Variants in BRD4 observed in about 807,000 individuals in gnomAD.
The protein encoded by BRD4 is bromodomain containing 4.
A neutral mutation model predicts 142.1 loss-of-function variants in BRD4; 16 were observed. The observed-to-expected ratio is 0.11, with a 90% CI of 0.08 to 0.17. BRD4 has a LOEUF of 0.17. Ranked by LOEUF, BRD4 falls within the 10% of genes least tolerant of loss-of-function variation. BRD4 has a pLI of 1.00. For synonymous variants in BRD4, 833 were observed against 707.5 expected, an observed-to-expected ratio of 1.18 and a Z score of -2.82; for missense variants, 1,424 against 1,810.9, an observed-to-expected ratio of 0.79 and a Z score of 3.88.
At position 15,237,630 on chromosome 19, in the gene BRD4, A is replaced by AT; in HGVS notation, c.*746_*747insA. The AT allele has an allele frequency of 4.4e-6, 1 of 228,932 alleles. No individual in the cohort carries two copies. The highest frequency in any genetic ancestry group is 8.7e-6 in the Non-Finnish European group (1 of 115,520). The allele number at this position is 228,932 out of a possible 1,614,324, so 14.2% of individuals were successfully genotyped here. On this transcript the variant is annotated 3_prime_UTR_variant, in exon 20 of 20. Coordinates refer to ENST00000679869, the MANE Select transcript of BRD4 (RefSeq NM_001379291.1). ...AACAAAAAATATATATAGAAAAAAAAGAAAAAAAAAAACGAAACAGAAACA... is the reference window on the plus strand; with the variant it reads ...AACAAAAAATATATATAGAAAAAAAATGAAAAAAAAAAACGAAACAGAAACA...
intron 11 of BRD4, chr19:15,248,103 G>T (rs2047307580): frequency 9.1e-6 from 2 of 219,002 alleles, no homozygotes; most frequent in Non-Finnish European, 1.8e-5. Context: ...GAGAAAAAAT[G>T]AAAAGCCCCT....
rs867317090 is a variant in BRD4, at chr19:15,243,110, G to A, written c.2959C>T (p.Gln987Ter). 1 of 1,477,364 alleles carries A rather than the reference G, an allele frequency of 6.8e-7. No homozygotes were observed. Among genetic ancestry groups the A allele is most frequent in the Non-Finnish European group, 9.0e-7 (1 of 1,114,952 alleles). 91.5% of individuals were successfully genotyped at this position (1,477,364 alleles called of 1,614,324 possible). The change falls in exon 14 of 20, where the codon CAG (glutamine) becomes TAG (stop). Residue 987 changes from glutamine to a stop codon, truncating the protein, a stop_gained. Transcript: ENST00000679869. LOFTEE classifies it high-confidence loss of function. ...PPPPQPQPPP[Q>*]QQHQPPPRPV... ...CGTGGAGGGGGCTGATGCTGCTGCTGGGGTGGAGGCTGGGGCTGGGGTGGT... is the reference window on the plus strand; with the variant it reads ...CGTGGAGGGGGCTGATGCTGCTGCTAGGGTGGAGGCTGGGGCTGGGGTGGT...
chr19:15,256,929 C>T lies in BRD4; in HGVS notation c.1551+35G>A, dbSNP rs199537509. The T allele has an allele frequency of 2.3e-4, 348 of 1,524,440 alleles. 1 individual carries two copies. Among genetic ancestry groups the T allele is most frequent in the Admixed American group, 4.7e-4 (23 of 49,176 alleles). 94.4% of individuals were successfully genotyped at this position (1,524,440 alleles called of 1,614,324 possible). On this transcript the variant is annotated intron_variant, in intron 8 of 19. Coordinates refer to ENST00000679869, the MANE Select transcript of BRD4 (RefSeq NM_001379291.1). ...GGGAGGCCACCCTGGTCCACGGACT[C>T]TGGGGATTAAGAATGGAGCCACCAA...
intron 4 of BRD4, 41 bp downstream of exon 4, chr19:15,267,375 T>C (rs2145609150): frequency 6.2e-7 from 1 of 1,606,752 alleles, no homozygotes; most frequent in Non-Finnish European, 8.5e-7. Flanking sequence ...GGGACAAAGG[T>C]CGGGGAGAAA....
At chr19:15,281,710 A>G (rs2047705748) in intron 1 of BRD4, among the ~76,000 whole-genome samples, 1 of 152,212 alleles carries the variant, frequency 6.6e-6, no homozygotes, top group African/African-American at 2.4e-5. Flanking sequence ...AAACTTTGAC[A>G]TGGACAAGAT....
At position 15,264,569 on chromosome 19, in the gene BRD4, C is replaced by T. The variant is rs760577369; in HGVS notation, c.1047G>A (p.Lys349=). 1.9e-6 allele frequency: 3 copies of T among 1,614,208 alleles called. No individual in the cohort carries two copies. In the East Asian group the frequency reaches 6.7e-5, roughly 36 times the overall value. Residue 349 remains lysine (K), a synonymous_variant, in exon 6 of 20, where the codon AAG becomes AAA. Coordinates refer to ENST00000679869, the MANE Select transcript of BRD4 (RefSeq NM_001379291.1). ...TGCAGCACTTGAGCTGCTCCGAGAC[C>T]TTGCTGCTCTTCTCTGGTGCTGGGT... The part of the protein sequence containing the change: ...QQHPAPEKSS[K]VSEQLKCCSG...
chr19:15,245,348 A>G (rs1001660849), intron 11 of BRD4, among the ~76,000 whole-genome samples: 3 of 152,080 alleles, frequency 2.0e-5, no homozygotes, highest in African/African-American at 4.8e-5. Flanking sequence ...GGTGAGGAAC[A>G]TATCGGCAAG....
intron 11 of BRD4, among the ~76,000 whole-genome samples, chr19:15,246,125 G>C (rs956352537): frequency 2.6e-5 from 4 of 152,170 alleles, no homozygotes; most frequent in African/African-American, 9.7e-5. Context: ...GGGAACCTGG[G>C]GCCCCGCCTA....
In BRD4 at chr19:15,300,642, C is replaced by CAA. The variant is rs34013844; in HGVS notation, c.-34-27511_-34-27510dup. Among the ~76,000 whole-genome samples, 126 of 144,452 alleles carry CAA rather than the reference C, an allele frequency of 8.7e-4. 1 individual carries two copies. Among genetic ancestry groups the CAA allele is most frequent in the South Asian group, 1.5e-3 (7 of 4,562 alleles). The allele number at this position is 144,452 out of a possible 152,430, so 94.8% of individuals were successfully genotyped here. On this transcript the variant is annotated intron_variant, in intron 1 of 19. Coordinates refer to ENST00000679869, the MANE Select transcript of BRD4 (RefSeq NM_001379291.1). Reference sequence around the variant, plus strand: ...ACAAAATAAAAAGATAAATATATACCAAAAAAAAAAAGAAAGAAAATGCAC... The same window carrying CAA: ...ACAAAATAAAAAGATAAATATATACCAAAAAAAAAAAAAGAAAGAAAATGCAC...
intron 1 of BRD4, among the ~76,000 whole-genome samples, chr19:15,274,197 G>A (rs905068000): frequency 6.6e-6 from 1 of 152,170 alleles, no homozygotes; most frequent in African/African-American, 2.4e-5. Context: ...GACACAGATA[G>A]ATTACAGGAC....
At chr19:15,315,406 A>T (rs542004017) in intron 1 of BRD4, among the ~76,000 whole-genome samples, 1 of 152,162 alleles carries the variant, frequency 6.6e-6, no homozygotes, top group Non-Finnish European at 1.5e-5. Flanking sequence ...TCTGATTACC[A>T]AGTACATCCA....
Position 15,264,766 on chromosome 19 carries a change from T to C in BRD4, c.850A>G (p.Thr284Ala), listed in dbSNP as rs1159100903. The change falls in exon 6 of 20, where the codon ACA becomes GCA. Residue 284 changes from threonine (T) to alanine (A), a missense_variant and splice_region_variant. Physicochemically the swap from Thr to Ala is moderately conservative, Grantham distance 58 (BLOSUM62 0). Transcript: ENST00000679869. ...GCTTTCCTCTTCACTCCCTTCTTTG[T>C]CTGCCAAGAACACGGACGCCAACAG... ...IIAATPQPVKTKKGVKRKADT... is the reference protein window; with the variant it reads ...IIAATPQPVKAKKGVKRKADT... 6.3e-7 allele frequency: 1 copy of C among 1,598,620 alleles called. No individual in the cohort carries two copies. The highest frequency in any genetic ancestry group is 8.5e-7 in the Non-Finnish European group (1 of 1,170,578).
chr19:15,321,794 T>A (rs972087260), intron 1 of BRD4, among the ~76,000 whole-genome samples: 1 of 152,166 alleles, frequency 6.6e-6, no homozygotes, highest in African/African-American at 2.4e-5. Flanking sequence ...TGCACACAAA[T>A]GACACTCTAC....
At chr19:15,327,065 G>A (rs1235737632) in intron 1 of BRD4, among the ~76,000 whole-genome samples, 1 of 152,192 alleles carries the variant, frequency 6.6e-6, no homozygotes, top group Non-Finnish European at 1.5e-5. Flanking sequence ...TATCCTTGCA[G>A]TTCCACTTCC....
At chr19:15,305,161 C>T in intron 1 of BRD4, among the ~76,000 whole-genome samples, 1 of 151,820 alleles carries the variant, frequency 6.6e-6, no homozygotes, top group East Asian at 1.9e-4. Context: ...TGGGATTTCT[C>T]CCACCTCAGC....
intron 6 of BRD4, 133 bp downstream of exon 6, chr19:15,264,271 G>T: frequency 7.8e-7 from 1 of 1,285,714 alleles, no homozygotes; most frequent in Non-Finnish European, 1.1e-6. Context: ...GTTTCTTCGA[G>T]TTGGCGGGAA....
chr19:15,265,649 A>G lies in BRD4; in HGVS notation c.560-6T>C. On this transcript the variant is annotated splice_region_variant and splice_polypyrimidine_tract_variant and intron_variant, in intron 4 of 19. Coordinates refer to ENST00000679869, the MANE Select transcript of BRD4 (RefSeq NM_001379291.1). Reference sequence around the variant, plus strand: ...AACGCCAGGTTTTGCTGTCCCTACAAATCATAATAAGACGGCGAGTTAGAG... The same window carrying G: ...AACGCCAGGTTTTGCTGTCCCTACAGATCATAATAAGACGGCGAGTTAGAG... 2 of 1,614,106 alleles carry G rather than the reference A, an allele frequency of 1.2e-6. No individual in the cohort carries two copies. The highest frequency in any genetic ancestry group is 1.7e-6 in the Non-Finnish European group (2 of 1,180,000).
intron 11 of BRD4, 27 bp from the exon 12 acceptor site, chr19:15,244,789 G>C (rs199688029): frequency 6.2e-7 from 1 of 1,613,906 alleles, no homozygotes; most frequent in South Asian, 1.1e-5. Flanking sequence ...AAGGTAGTGA[G>C]GCTCTGGGGG....
intron 1 of BRD4, 73 bp downstream of exon 1, chr19:15,332,217 T>C (rs1039704367): frequency 6.9e-6 from 1 of 144,978 alleles, no homozygotes; most frequent in Non-Finnish European, 1.5e-5. Context: ...CAATGCAGGT[T>C]ACGCGGACCG....
Sources: gnomAD v4.1 joint callset for allele counts (sites outside exome capture counted in the v4.1 genomes callset) on GRCh38, gnomAD v4.1.1 for gene constraint, MANE v1.5 for transcripts, NCBI Gene and HGNC (gene_info 2026-07-23, HGNC 2026-07-21) for gene names.